Variants in MEGF10 observed in about 807,000 individuals in gnomAD.
MEGF10 encodes the protein multiple EGF like domains 10.
In MEGF10, 86 loss-of-function variants were observed where a neutral mutation model predicts 147.5. The observed-to-expected ratio is 0.58, with a 90% CI of 0.49 to 0.70. The LOEUF (loss-of-function observed/expected upper bound fraction) is 0.70. Ranked by LOEUF, MEGF10 falls within the 30% of genes least tolerant of loss-of-function variation. The pLI is 0.00. For synonymous variants in MEGF10, 478 were observed against 525.5 expected (o/e 0.91, Z 1.24); for missense variants, 1,329 against 1,487.3 (o/e 0.89, Z 1.75).
At chr5:127,303,301 A>C (rs903867094) in intron 1 of MEGF10, among the ~76,000 whole-genome samples, 13 of 145,650 alleles carry the variant, frequency 8.9e-5, no homozygotes, top group Non-Finnish European at 4.5e-5. Flanking sequence ...GCACTACTGC[A>C]CTCCAGTCTG....
chr5:127,370,262 G>T (rs886720427), intron 5 of MEGF10, among the ~76,000 whole-genome samples: 2 of 152,238 alleles, frequency 1.3e-5, no homozygotes, highest in Admixed American at 6.5e-5. Context: ...CTGTGGATAT[G>T]AATGCATTTT....
intron 5 of MEGF10, among the ~76,000 whole-genome samples, chr5:127,381,758 C>T (rs1383992945): frequency 1.3e-5 from 2 of 152,210 alleles, no homozygotes; most frequent in Non-Finnish European, 2.9e-5. Flanking sequence ...GCAACCTCCA[C>T]CTCCTTGGTT....
chr5:127,328,880 C>T (rs1017466152), intron 1 of MEGF10, among the ~76,000 whole-genome samples: 2 of 152,162 alleles, frequency 1.3e-5, no homozygotes, highest in Non-Finnish European at 2.9e-5. Context: ...TTGCCATGCT[C>T]ATTTGTTACA....
the MEGF10 span, among the ~76,000 whole-genome samples, chr5:127,257,518 G>A: frequency 6.6e-6 from 1 of 152,094 alleles, no homozygotes; most frequent in African/African-American, 2.4e-5. Context: ...ACTGCTTCTT[G>A]TGCCTCAGCA....
At chr5:127,443,366 T>TATGTCACA (rs1344526395) in intron 19 of MEGF10, among the ~76,000 whole-genome samples, 4 of 152,240 alleles carry the variant, frequency 2.6e-5, no homozygotes, top group Non-Finnish European at 1.5e-5. Flanking sequence ...AATACTAGAA[T>TATGTCACA]ATGTCACAGC....
intron 8 of MEGF10, among the ~76,000 whole-genome samples, chr5:127,404,635 G>A (rs542215364): frequency 6.6e-6 from 1 of 152,220 alleles, no homozygotes; most frequent in South Asian, 2.1e-4. Context: ...TGTAGGATTT[G>A]AGAAGAGACT....
intron 18 of MEGF10, 74 bp from the exon 19 acceptor site, chr5:127,442,924 A>G: frequency 1.3e-6 from 2 of 1,510,068 alleles, no homozygotes; most frequent in Non-Finnish European, 1.8e-6. Flanking sequence ...CTAGATGTGC[A>G]GGGCTTGCAG....
intron 4 of MEGF10, among the ~76,000 whole-genome samples, chr5:127,369,229 C>T (rs1327540381): frequency 6.6e-6 from 1 of 152,132 alleles, no homozygotes; most frequent in African/African-American, 2.4e-5. Flanking sequence ...ATTTTAATGC[C>T]TATTTTGGAA....
At chr5:127,449,273 T>C (rs769475582) in intron 22 of MEGF10, 51 bp downstream of exon 22, 1 of 1,600,838 alleles carries the variant, frequency 6.2e-7, no homozygotes, top group South Asian at 1.1e-5. Context: ...TGTCAGTCCC[T>C]GAAACAGTCA....
At chr5:127,239,129 GA>G in the MEGF10 span, among the ~76,000 whole-genome samples, 1 of 152,056 alleles carries the variant, frequency 6.6e-6, no homozygotes, top group Non-Finnish European at 1.5e-5. Context: ...TCAATGTCAT[GA>G]AAGACACAAA....
the MEGF10 span, among the ~76,000 whole-genome samples, chr5:127,263,425 G>A: frequency 2.6e-5 from 4 of 151,958 alleles, no homozygotes; most frequent in African/African-American, 9.7e-5. Context: ...ATTTGGCAAT[G>A]GTTTTACAAT....
the MEGF10 span, among the ~76,000 whole-genome samples, chr5:127,254,250 C>T: frequency 3.3e-5 from 5 of 152,102 alleles, no homozygotes; most frequent in African/African-American, 1.2e-4. Context: ...CAGTCTCCGT[C>T]CCCCAACTCA....
chr5:127,402,136 A>G (rs1166965853), intron 7 of MEGF10, among the ~76,000 whole-genome samples: 2 of 152,210 alleles, frequency 1.3e-5, no homozygotes, highest in Admixed American at 1.3e-4. Context: ...TGTGCGGCAG[A>G]TGTTGCCATT....
intron 5 of MEGF10, among the ~76,000 whole-genome samples, chr5:127,375,221 G>A (rs1762980368): frequency 1.5e-5 from 1 of 66,194 alleles, no homozygotes; most frequent in Non-Finnish European, 4.2e-5. Context: ...CTACATAGCT[G>A]TCTTTTTTTT....
chr5:127,407,887 C>T (rs1422339650), intron 8 of MEGF10, among the ~76,000 whole-genome samples: 1 of 152,130 alleles, frequency 6.6e-6, no homozygotes, highest in Non-Finnish European at 1.5e-5. Flanking sequence ...TTTCCTTTGG[C>T]AGATAGAAGT....
At chr5:127,302,466 TG>T (rs1759817895) in intron 1 of MEGF10, among the ~76,000 whole-genome samples, 1 of 152,128 alleles carries the variant, frequency 6.6e-6, no homozygotes, top group South Asian at 2.1e-4. Context: ...TTCCAGGGTC[TG>T]GGGGAAGGGA....
the MEGF10 span, among the ~76,000 whole-genome samples, chr5:127,268,763 G>C: frequency 6.6e-6 from 1 of 152,238 alleles, no homozygotes. Flanking sequence ...CACGGAGTTT[G>C]AGATCTGAGA....
chr5:127,398,266 G>A (rs1473399646), intron 6 of MEGF10, among the ~76,000 whole-genome samples: 1 of 152,036 alleles, frequency 6.6e-6, no homozygotes, highest in African/African-American at 2.4e-5. Context: ...TGATGAATAT[G>A]TGCACAAAGG....
chr5:127,357,579 C>G (rs959778155), intron 4 of MEGF10, among the ~76,000 whole-genome samples: 2 of 132,914 alleles, frequency 1.5e-5, no homozygotes, highest in Non-Finnish European at 3.2e-5. Flanking sequence ...CAGAACAAGA[C>G]CCTGCCTCAA....
Sources: allele counts gnomAD v4.1 joint callset (sites outside exome capture counted in the v4.1 genomes callset), GRCh38; gene constraint gnomAD v4.1.1; transcripts MANE v1.5; gene names NCBI Gene and HGNC (gene_info 2026-07-23, HGNC 2026-07-21).